ARIH2: variants seen among roughly 807,000 people sequenced by gnomAD.
ARIH2 encodes ariadne RBR E3 ubiquitin protein ligase 2.
In ARIH2, 12 loss-of-function variants were observed where a neutral mutation model predicts 79.8. That is an observed-to-expected ratio of 0.15 (90% CI 0.10 to 0.24). ARIH2 has a LOEUF of 0.24. ARIH2 is among the 10% of genes least tolerant of loss of function. The pLI, the probability that ARIH2 is intolerant of heterozygous loss-of-function variation, is 1.00. For missense variants in ARIH2, 301 were observed against 618.3 expected (o/e 0.49, Z 5.44); for synonymous variants, 224 against 213.9 (o/e 1.05, Z -0.41).
At chr3:48,947,582 CTG>C (rs1395188926) in intron 3 of ARIH2, among the ~76,000 whole-genome samples, 2 of 151,904 alleles carry the variant, frequency 1.3e-5, no homozygotes, top group African/African-American at 2.4e-5. Flanking sequence ...TTAGTGAAAA[CTG>C]TGTTAAAACT....
chr3:48,923,079 C>T (rs112700181), intron 2 of ARIH2, among the ~76,000 whole-genome samples: 2 of 151,170 alleles, frequency 1.3e-5, no homozygotes, highest in East Asian at 1.9e-4. Flanking sequence ...TAGTGGCGGG[C>T]GCCTGTAGTC....
In ARIH2 at chr3:48,983,742, C is replaced by A; in HGVS notation, c.*472C>A. ...GCCTACCCACCTCAAAATGTCTGTA[C>A]TGCAAGAGGGCCCTGGGCCTCTGCT... On this transcript the variant is annotated 3_prime_UTR_variant, in exon 16 of 16. Transcript: ENST00000356401. 1 of 162,368 alleles carries A rather than the reference C, an allele frequency of 6.2e-6. No individual in the cohort carries two copies. The highest frequency in any genetic ancestry group is 1.3e-5 in the Non-Finnish European group (1 of 74,246). The allele number at this position is 162,368 out of a possible 1,614,324, so 10.1% of individuals were successfully genotyped here. A position where few individuals can be genotyped will look rare whatever the true frequency, so the allele number is the denominator to read the frequency against.
chr3:48,968,523 T>C lies in ARIH2; in HGVS notation c.539-11T>C. ...CGCACCTGGCCCCATCAGGTTGTTTTTGTTCAACAGGAGTCTCTTGCATGG... is the reference window on the plus strand; with the variant it reads ...CGCACCTGGCCCCATCAGGTTGTTTCTGTTCAACAGGAGTCTCTTGCATGG... On this transcript the variant is annotated splice_polypyrimidine_tract_variant and intron_variant, in intron 6 of 15. Transcript: ENST00000356401. 2.5e-6 allele frequency: 4 copies of C among 1,606,250 alleles called. No individual in the cohort carries two copies. The highest frequency in any genetic ancestry group is 1.3e-5 in the African/African-American group (1 of 74,844).
intron 8 of ARIH2, among the ~76,000 whole-genome samples, chr3:48,971,447 G>T (rs1340805792): frequency 6.6e-6 from 1 of 152,182 alleles, no homozygotes; most frequent in East Asian, 1.9e-4. Flanking sequence ...GTTTCACTGT[G>T]TTGGCCAGGC....
intron 3 of ARIH2, among the ~76,000 whole-genome samples, chr3:48,944,065 T>TA (rs1340488393): frequency 6.6e-6 from 1 of 152,176 alleles, no homozygotes; most frequent in African/African-American, 2.4e-5. Flanking sequence ...GGAAGTCTGT[T>TA]AAGAGTTCTA....
chr3:48,972,155 C>T (rs1467492290), intron 8 of ARIH2, among the ~76,000 whole-genome samples: 1 of 152,124 alleles, frequency 6.6e-6, no homozygotes, highest in Non-Finnish European at 1.5e-5. Context: ...CTCACCATGC[C>T]CTTTGAGAGT....
At chr3:48,928,038 G>A (rs1325582125) in intron 3 of ARIH2, 1 of 544,508 alleles carries the variant, frequency 1.8e-6, no homozygotes, top group South Asian at 2.5e-5. Flanking sequence ...TAGAAAGTAG[G>A]GGTGGGACAG....
In ARIH2 at chr3:48,953,993, C is replaced by T. The variant is rs937093040; in HGVS notation, c.256-7619C>T. ...AGCCTGGCCAACATGGTGAAACACTCTCTACTAAAATACAAAAATTAGCCG... is the reference window on the plus strand; with the variant it reads ...AGCCTGGCCAACATGGTGAAACACTTTCTACTAAAATACAAAAATTAGCCG... On this transcript the variant is annotated intron_variant, in intron 3 of 15. Transcript: ENST00000356401. 2.6e-5 allele frequency among the ~76,000 whole-genome samples: 4 copies of T among 151,322 alleles called. No individual in the cohort carries two copies. In the South Asian group the frequency reaches 8.3e-4, roughly 31 times the overall value.
At chr3:48,958,616 A>T (rs1002420888) in intron 3 of ARIH2, among the ~76,000 whole-genome samples, 2 of 151,784 alleles carry the variant, frequency 1.3e-5, no homozygotes, top group Admixed American at 6.6e-5. Context: ...AGGCTGAGGC[A>T]GAGAATTGCT....
At chr3:48,929,921 A>T (rs1023860902) in intron 3 of ARIH2, among the ~76,000 whole-genome samples, 3 of 152,246 alleles carry the variant, frequency 2.0e-5, no homozygotes, top group Non-Finnish European at 1.5e-5. Flanking sequence ...GAGTAAGAGC[A>T]AAAAGAACTT....
intron 3 of ARIH2, among the ~76,000 whole-genome samples, chr3:48,940,808 A>AAAAAATATAT (rs759369585): frequency 2.2e-4 from 22 of 98,028 alleles, no homozygotes; most frequent in African/African-American, 7.0e-4. Flanking sequence ...AAAAAAAAAA[A>AAAAAATATAT]ATATATATAT....
At chr3:48,959,216 G>A (rs576502949) in intron 3 of ARIH2, among the ~76,000 whole-genome samples, 38 of 150,060 alleles carry the variant, frequency 2.5e-4, no homozygotes, top group Middle Eastern at 3.4e-3. Context: ...CTAGGGAGGC[G>A]GAGGCAGGAG....
chr3:48,974,774 C>A, intron 9 of ARIH2, 43 bp from the exon 10 acceptor site: 1 of 1,608,794 alleles, frequency 6.2e-7, no homozygotes. Flanking sequence ...TTAAAACCAA[C>A]CTGGTGGTGT....
At position 48,918,980 on chromosome 3, in the gene ARIH2, C is replaced by T. The variant is rs1285457272; in HGVS notation, c.-180C>T. On this transcript the variant is annotated 5_prime_UTR_variant, in exon 1 of 16. Transcript: ENST00000356401. ...GTCTGGCTTGTTCGGGCTCAGCGGC[C>T]GCGAGGCCGCAGCTCCCGGTAAGTG... The T allele has an allele frequency of 1.4e-6, 2 of 1,459,318 alleles. No homozygotes were observed. The highest frequency in any genetic ancestry group is 1.8e-6 in the Non-Finnish European group (2 of 1,112,774). 90.4% of individuals were successfully genotyped at this position (1,459,318 alleles called of 1,614,324 possible).
At chr3:48,926,010 AC>A (rs1197964629) in intron 2 of ARIH2, among the ~76,000 whole-genome samples, 1 of 152,010 alleles carries the variant, frequency 6.6e-6, no homozygotes, top group Non-Finnish European at 1.5e-5. Context: ...GAGCCACCGC[AC>A]CTGGCCTAGT....
chr3:48,980,911 C>A (rs1255816500), intron 13 of ARIH2, among the ~76,000 whole-genome samples: 1 of 142,670 alleles, frequency 7.0e-6, no homozygotes, highest in Non-Finnish European at 1.5e-5. Flanking sequence ...GTTCCAGCTA[C>A]TTGGGAGGCT....
intron 11 of ARIH2, among the ~76,000 whole-genome samples, chr3:48,978,823 T>C (rs1360188370): frequency 6.6e-6 from 1 of 151,764 alleles, no homozygotes. Flanking sequence ...TTAGCCAGCA[T>C]GTTGGCAGGC....
At chr3:48,949,945 T>C (rs2089737495) in intron 3 of ARIH2, among the ~76,000 whole-genome samples, 1 of 152,068 alleles carries the variant, frequency 6.6e-6, no homozygotes, top group Admixed American at 6.6e-5. Flanking sequence ...TTTTCTTTTT[T>C]TAAAAAATTT....
In ARIH2 at chr3:48,970,698, T is replaced by C. The variant is rs1355027825; in HGVS notation, c.764T>C (p.Val255Ala). 3.7e-6 allele frequency: 6 copies of C among 1,613,276 alleles called. No homozygotes were observed. Among genetic ancestry groups the C allele is most frequent in the Non-Finnish European group, 5.1e-6 (6 of 1,179,360 alleles). The change falls in exon 8 of 16, where the codon GTC (valine) becomes GCC (alanine). Residue 255 changes from valine (V) to alanine (A), a missense_variant. This residue lies in a region of ARIH2 where 223 missense variants were observed against 349.4 expected (regional missense o/e 0.64). Coordinates refer to ENST00000356401, the MANE Select transcript of ARIH2 (RefSeq NM_006321.4). ...GTACAGTGCAATCGGTGCAACGAGG[T>C]CTTCTGGTAAGAGTGAGTGTGAGTG... ...RRVQCNRCNE[V>A]FCFKCRQMYH...
Sources: gnomAD v4.1 joint callset for allele counts (sites outside exome capture counted in the v4.1 genomes callset) on GRCh38, gnomAD v4.1.1 for gene constraint, gnomAD v4.1.1 regional missense constraint, MANE v1.5 for transcripts, NCBI Gene and HGNC (gene_info 2026-07-23, HGNC 2026-07-21) for gene names.